The following SLC38A8 variants were observed in gnomAD, a reference collection of about 807,000 sequenced individuals.
SLC38A8 encodes the protein amino acid transporter SLC38A8.
A neutral mutation model predicts 46.0 loss-of-function variants in SLC38A8; 65 were observed. The ratio of observed to expected loss-of-function variants is 1.41; its 90% confidence interval spans 1.16 to 1.74. The LOEUF (loss-of-function observed/expected upper bound fraction) is 1.74. Ranked by LOEUF, SLC38A8 falls within the 40% of genes most tolerant of loss-of-function variation. The pLI is 0.00. For synonymous variants in SLC38A8, 447 were observed against 243.7 expected (o/e 1.83, Z -7.77); for missense variants, 998 against 567.9 (o/e 1.76, Z -7.70).
chr16:84,042,231 T>G (rs1361130067), intron 1 of SLC38A8, 72 bp from the exon 2 acceptor site: 1 of 1,493,388 alleles, frequency 6.7e-7, no homozygotes, highest in African/African-American at 1.4e-5. Context: ...GATATCCTTA[T>G]TTGTCTCCCC....
chr16:84,035,838 T>TTTTAACATGC (rs1273273009), intron 3 of SLC38A8, among the ~76,000 whole-genome samples: 1 of 152,244 alleles, frequency 6.6e-6, no homozygotes, highest in African/African-American at 2.4e-5. Context: ...CAGCTGGCGA[T>TTTTAACATGC]TTTAACATCC....
intron 9 of SLC38A8, among the ~76,000 whole-genome samples, chr16:84,015,959 G>A (rs879548381): frequency 1.3e-5 from 2 of 152,204 alleles, no homozygotes; most frequent in Non-Finnish European, 2.9e-5. Flanking sequence ...GATTACAGGC[G>A]TGAGCCACTG....
chr16:84,011,752 T>G (rs1315964289), intron 10 of SLC38A8, among the ~76,000 whole-genome samples: 2 of 152,082 alleles, frequency 1.3e-5, no homozygotes, highest in Non-Finnish European at 2.9e-5. Flanking sequence ...GGTGTGATGG[T>G]GGGCGTCTGT....
At chr16:84,036,113 G>T (rs35064076) in intron 3 of SLC38A8, among the ~76,000 whole-genome samples, 2 of 152,060 alleles carry the variant, frequency 1.3e-5, no homozygotes, top group Non-Finnish European at 2.9e-5. Flanking sequence ...AATTAAGGTC[G>T]AAACCGTGAA....
chr16:84,027,633 C>A (rs2085181061), intron 6 of SLC38A8, among the ~76,000 whole-genome samples: 1 of 152,178 alleles, frequency 6.6e-6, no homozygotes, highest in African/African-American at 2.4e-5. Flanking sequence ...ATTTATTCTC[C>A]CCCGCTTCAG....
At position 84,022,884 on chromosome 16, in the gene SLC38A8, G is replaced by C. The variant is rs372852162; in HGVS notation, c.696C>G (p.His232Gln). Residue 232 changes from histidine to glutamine, a missense_variant, in exon 7 of 11, where the codon CAC (histidine) becomes CAG (glutamine). His to Gln is a conservative substitution (Grantham distance 24). Transcript: ENST00000299709. ...TGCAGTAGATGGAGACGGCAGCTTC[G>C]TGACACTGTAAGACAGAGGGCGGCT... is the stretch of plus-strand genomic sequence containing the variant. ...FPTICFGFQC[H>Q]EAAVSIYCSM... The C allele has an allele frequency of 1.9e-6, 3 of 1,602,136 alleles. No homozygotes were observed. Among genetic ancestry groups the C allele is most frequent in the Middle Eastern group, 1.7e-4 (1 of 5,960 alleles).
chr16:84,034,357 C>A (rs532917705), intron 3 of SLC38A8, among the ~76,000 whole-genome samples: 2 of 152,356 alleles, frequency 1.3e-5, no homozygotes, highest in African/African-American at 4.8e-5. Context: ...GAAAGAACAC[C>A]AAAGAATGTG....
At chr16:84,020,082 G>C (rs2085077639) in intron 7 of SLC38A8, among the ~76,000 whole-genome samples, 1 of 152,246 alleles carries the variant, frequency 6.6e-6, no homozygotes, top group African/African-American at 2.4e-5. Context: ...ACTCCACTAG[G>C]CATTGCCCTG....
chr16:84,012,602 A>C (rs1455849192), intron 10 of SLC38A8, among the ~76,000 whole-genome samples: 1 of 152,174 alleles, frequency 6.6e-6, no homozygotes, highest in Non-Finnish European at 1.5e-5. Context: ...GGAGCCTGGG[A>C]ACAGCGACCC....
intron 2 of SLC38A8, among the ~76,000 whole-genome samples, chr16:84,040,504 G>C (rs1263139746): frequency 2.0e-5 from 3 of 152,208 alleles, no homozygotes; most frequent in African/African-American, 4.8e-5. Context: ...TTGTGGAACA[G>C]GGTTCCCACT....
intron 7 of SLC38A8, among the ~76,000 whole-genome samples, chr16:84,020,538 C>A (rs1043305825): frequency 6.6e-6 from 1 of 152,220 alleles, no homozygotes; most frequent in Non-Finnish European, 1.5e-5. Flanking sequence ...ACGCACGCAT[C>A]CTGCCAAGGT....
intron 10 of SLC38A8, among the ~76,000 whole-genome samples, chr16:84,011,494 C>G (rs1476200231): frequency 6.6e-6 from 1 of 152,070 alleles, no homozygotes; most frequent in Non-Finnish European, 1.5e-5. Flanking sequence ...GCTAGAGGGC[C>G]GGGGGTATAG....
Position 84,016,661 on chromosome 16 carries a change from G to A in SLC38A8, c.1020C>T (p.Asp340=), listed in dbSNP as rs527400186. 96 of 1,613,716 alleles carry A rather than the reference G, an allele frequency of 5.9e-5. No homozygotes were observed. The East Asian group carries it at 1.9e-3, about 32-fold the overall frequency. The change falls in exon 9 of 11, where the codon GAC becomes GAT. Residue 340 remains aspartate (D), a synonymous_variant. Coordinates refer to ENST00000299709, the MANE Select transcript of SLC38A8 (RefSeq NM_001080442.3). Reference sequence around the variant, plus strand: ...GCATCCGGACCCACAGCCCTGAGGGGTCGGCCAGGGCGCTGGGCCCCCATC... The same window carrying A: ...GCATCCGGACCCACAGCCCTGAGGGATCGGCCAGGGCGCTGGGCCCCCATC... ...LGGWGPSALA[D]PSGLWVRMPL... is the part of the protein sequence containing the mutation.
At chr16:84,017,484 G>T (rs1448357821) in intron 7 of SLC38A8, among the ~76,000 whole-genome samples, 197 bp from the exon 8 acceptor site, 1 of 152,218 alleles carries the variant, frequency 6.6e-6, no homozygotes, top group African/African-American at 2.4e-5. Context: ...CAAGACCCCT[G>T]CAGACAAATC....
chr16:84,041,505 G>T (rs1376531710), intron 2 of SLC38A8: 1 of 153,278 alleles, frequency 6.5e-6, no homozygotes, highest in Non-Finnish European at 1.5e-5. Flanking sequence ...TAGAGACAGG[G>T]TTTCACCATA....
chr16:84,013,014 C>G lies in SLC38A8; in HGVS notation c.1201G>C (p.Gly401Arg), dbSNP rs1190950553. 11 of 1,614,036 alleles carry G rather than the reference C, an allele frequency of 6.8e-6. No homozygotes were observed. Among genetic ancestry groups the G allele is most frequent in the African/African-American group, 1.3e-5 (1 of 74,924 alleles). Residue 401 changes from glycine to arginine, a missense_variant, in exon 10 of 11, where the codon GGA becomes CGA. By Grantham distance (125) the Gly-to-Arg change is moderately radical (BLOSUM62 -2). Transcript: ENST00000299709. ...LICAMGVEPI[G>R]PRVKCCLEVW... ...AGGGACACTTACTTGACTCTTGGTC[C>G]TATAGGCTCGACACCCATTGCACAG...
chr16:84,023,291 A>G (rs1488804404), intron 6 of SLC38A8, among the ~76,000 whole-genome samples: 3 of 152,086 alleles, frequency 2.0e-5, no homozygotes, highest in African/African-American at 4.8e-5. Flanking sequence ...ACCCCAGCCA[A>G]TGGGAAAAGG....
At chr16:84,036,122 A>G (rs1458512575) in intron 3 of SLC38A8, among the ~76,000 whole-genome samples, 1 of 152,242 alleles carries the variant, frequency 6.6e-6, no homozygotes, top group Non-Finnish European at 1.5e-5. Context: ...CGAAACCGTG[A>G]AGGAATCTAA....
chr16:84,020,836 G>A (rs1482902909), intron 7 of SLC38A8, among the ~76,000 whole-genome samples: 2 of 152,126 alleles, frequency 1.3e-5, no homozygotes, highest in Non-Finnish European at 2.9e-5. Context: ...TTAGCAAAAG[G>A]CCACAGGGCC....
Sources: gnomAD v4.1 joint callset for allele counts (sites outside exome capture counted in the v4.1 genomes callset) on GRCh38, gnomAD v4.1.1 for gene constraint, MANE v1.5 for transcripts, NCBI Gene and HGNC (gene_info 2026-07-23, HGNC 2026-07-21) for gene names.